The following RGS6 variants were observed in gnomAD, a reference collection of about 807,000 sequenced individuals.
RGS6 encodes the protein regulator of G-protein signaling 6.
RGS6 carries 30 observed loss-of-function variants against 78.5 expected under a neutral mutation model. The ratio of observed to expected loss-of-function variants is 0.38; its 90% CI spans 0.29 to 0.52. RGS6 has a LOEUF of 0.52. RGS6 is among the 20% of genes least tolerant of loss of function. RGS6 has a pLI of 0.85. For missense variants in RGS6, 495 were observed against 609.7 expected (o/e 0.81, Z 1.98); for synonymous variants, 206 against 206.0 (o/e 1.00, Z 0.00).
chr14:72,626,087 A>G, the RGS6 span, among the ~76,000 whole-genome samples: 3 of 152,102 alleles, frequency 2.0e-5, no homozygotes, highest in South Asian at 2.1e-4. Context: ...TACATTATCT[A>G]TTTACGTTAT....
chr14:72,122,495 G>A (rs1386358234), intron 2 of RGS6, among the ~76,000 whole-genome samples: 1 of 152,182 alleles, frequency 6.6e-6, no homozygotes, highest in Non-Finnish European at 1.5e-5. Context: ...CAGGTTGTCT[G>A]AAGGCTCCAA....
intron 2 of RGS6, among the ~76,000 whole-genome samples, chr14:72,016,823 T>C (rs1007585295): frequency 2.0e-5 from 3 of 152,210 alleles, no homozygotes; most frequent in Admixed American, 6.5e-5. Context: ...ATTTTAGGAA[T>C]GTGGAAGCCC....
intron 3 of RGS6, among the ~76,000 whole-genome samples, chr14:72,368,119 T>A (rs2082770840): frequency 2.0e-5 from 3 of 152,164 alleles, no homozygotes; most frequent in Admixed American, 2.0e-4. Context: ...CTCACAGTTT[T>A]AGGGTCTGGG....
chr14:72,301,583 T>G (rs1045178600), intron 2 of RGS6, among the ~76,000 whole-genome samples: 1 of 152,172 alleles, frequency 6.6e-6, no homozygotes, highest in Non-Finnish European at 1.5e-5. Flanking sequence ...CACAACGAAG[T>G]ACCACAAACT....
chr14:72,599,415 T>TG, the RGS6 span, among the ~76,000 whole-genome samples: 6 of 125,820 alleles, frequency 4.8e-5, no homozygotes, highest in African/African-American at 1.8e-4. Flanking sequence ...TTTTTTTTTT[T>TG]TTTTTTTTTT....
rs886388841 is a variant in RGS6, at chr14:71,945,944, C to A, written c.-21+13003C>A. 3.3e-5 allele frequency among the ~76,000 whole-genome samples: 5 copies of A among 152,118 alleles called. No individual in the cohort carries two copies. In the East Asian group the frequency reaches 9.7e-4, roughly 29 times the overall value. ...GAAAAAAAAGATTAAATAACATATGCAATATATTTTCTCCTTAAACTTCTA... is the reference window on the plus strand; with the variant it reads ...GAAAAAAAAGATTAAATAACATATGAAATATATTTTCTCCTTAAACTTCTA... On this transcript the variant is annotated intron_variant, in intron 1 of 17. Transcript: ENST00000553525.
At chr14:72,618,548 C>G in the RGS6 span, among the ~76,000 whole-genome samples, 2 of 152,212 alleles carry the variant, frequency 1.3e-5, no homozygotes, top group African/African-American at 4.8e-5. Flanking sequence ...TGGCCTCTTG[C>G]AAAGTCTCTC....
chr14:72,381,904 TTC>T (rs1164800239), intron 3 of RGS6, among the ~76,000 whole-genome samples: 225 of 152,060 alleles, frequency 1.5e-3, no homozygotes, highest in African/African-American at 4.5e-3. Flanking sequence ...TCCTCTATTG[TTC>T]GGAAAAATGG....
At chr14:72,179,114 T>A (rs1221112295) in intron 2 of RGS6, among the ~76,000 whole-genome samples, 1 of 152,194 alleles carries the variant, frequency 6.6e-6, no homozygotes, top group Non-Finnish European at 1.5e-5. Context: ...AGTAAGAAGC[T>A]GCTTTGAAAG....
chr14:72,195,207 CAAA>C (rs539081840), intron 2 of RGS6, among the ~76,000 whole-genome samples: 1 of 138,708 alleles, frequency 7.2e-6, no homozygotes. Context: ...AACTCCATCT[CAAA>C]AAAAAAAAAG....
chr14:71,944,299 T>G (rs2091134603), intron 1 of RGS6, among the ~76,000 whole-genome samples: 1 of 152,174 alleles, frequency 6.6e-6, no homozygotes, highest in South Asian at 2.1e-4. Context: ...TTGGGTGGTA[T>G]TATGCCCATT....
intron 2 of RGS6, among the ~76,000 whole-genome samples, chr14:72,179,057 C>G (rs773567590): frequency 6.6e-6 from 1 of 152,128 alleles, no homozygotes; most frequent in Non-Finnish European, 1.5e-5. Flanking sequence ...ATAAAAATAA[C>G]CAGAAAATCA....
At chr14:72,117,342 T>G (rs1357206795) in intron 2 of RGS6, among the ~76,000 whole-genome samples, 1 of 152,134 alleles carries the variant, frequency 6.6e-6, no homozygotes, top group Non-Finnish European at 1.5e-5. Context: ...CCTGAGGTCA[T>G]GAGTTCACAC....
At chr14:72,449,517 A>T (rs2095442893) in intron 3 of RGS6, among the ~76,000 whole-genome samples, 1 of 152,202 alleles carries the variant, frequency 6.6e-6, no homozygotes, top group African/African-American at 2.4e-5. Context: ...AGCTTAAAAC[A>T]CCTGAAGACA....
At chr14:71,904,811 A>ACTTTTCCTGATATTTGG in the RGS6 span, among the ~76,000 whole-genome samples, 77,567 of 150,416 alleles carry the variant, frequency 0.52, 23,074 homozygotes, top group Non-Finnish European at 0.66. Context: ...TTGAATTTAT[A>ACTTTTCCTGATATTTGG]CTTTTCCTGA....
chr14:72,216,150 T>C (rs193214318), intron 2 of RGS6, among the ~76,000 whole-genome samples: 1 of 152,312 alleles, frequency 6.6e-6, no homozygotes, highest in Non-Finnish European at 1.5e-5. Flanking sequence ...CAAATTCTCT[T>C]TTGAGAATTA....
chr14:72,234,562 A>G (rs2050498664), intron 2 of RGS6, among the ~76,000 whole-genome samples: 1 of 152,140 alleles, frequency 6.6e-6, no homozygotes, highest in Non-Finnish European at 1.5e-5. Context: ...AGGATAGGAC[A>G]CCTTACTGAC....
At chr14:72,131,622 A>G (rs2190628) in intron 2 of RGS6, among the ~76,000 whole-genome samples, 66,391 of 152,020 alleles carry the variant, frequency 0.44, 14,685 homozygotes, top group Admixed American at 0.49. Flanking sequence ...TTGGAGTTTG[A>G]CCTTAGGCAA....
intron 17 of RGS6, among the ~76,000 whole-genome samples, chr14:72,546,981 G>A (rs958221687): frequency 2.0e-5 from 3 of 152,348 alleles, no homozygotes; most frequent in Admixed American, 2.0e-4. Context: ...GTCTCGGCAT[G>A]CTTGTCACTT....
Sources: gnomAD v4.1 joint callset for allele counts (sites outside exome capture counted in the v4.1 genomes callset) on GRCh38, gnomAD v4.1.1 for gene constraint, MANE v1.5 for transcripts, NCBI Gene and HGNC (gene_info 2026-07-23, HGNC 2026-07-21) for gene names.